Variants in MYO10 observed in about 807,000 individuals in gnomAD.
MYO10 encodes the protein unconventional myosin-X.
In MYO10, 133 loss-of-function variants were observed where a neutral mutation model predicts 257.3. The observed-to-expected ratio is 0.52, with a 90% CI of 0.45 to 0.60. The LOEUF (loss-of-function observed/expected upper bound fraction) is 0.60, where lower values mean the gene tolerates loss of function less well. Among genes scored for constraint, MYO10 ranks in the 20% least tolerant of loss-of-function variants. The probability of loss-of-function intolerance (pLI) is 0.00; values close to 1 mark genes in which losing one functional copy is unlikely to be tolerated. For synonymous variants in MYO10, 1,104 were observed against 1,028.6 expected (o/e 1.07, Z -1.40); for missense variants, 2,399 against 2,635.7 (o/e 0.91, Z 1.97).
intron 19 of MYO10, among the ~76,000 whole-genome samples, chr5:16,718,295 C>G (rs1001975818): frequency 2.6e-5 from 4 of 152,178 alleles, no homozygotes; most frequent in Non-Finnish European, 5.9e-5. Flanking sequence ...CCCTGCTCCA[C>G]GGCGCCCAGT....
intron 4 of MYO10, among the ~76,000 whole-genome samples, chr5:16,786,308 C>T (rs926819191): frequency 6.6e-6 from 1 of 152,068 alleles, no homozygotes; most frequent in Non-Finnish European, 1.5e-5. Flanking sequence ...GGATTCTCGT[C>T]GTCATAAAGA....
chr5:16,839,740 C>CA (rs558844758), intron 2 of MYO10, among the ~76,000 whole-genome samples: 6 of 151,186 alleles, frequency 4.0e-5, no homozygotes, highest in South Asian at 4.2e-4. Flanking sequence ...AACTCTGTCT[C>CA]AAAAAAAATA....
chr5:16,670,049 T>C (rs145374228), intron 39 of MYO10, among the ~76,000 whole-genome samples: 138 of 152,242 alleles, frequency 9.1e-4, no homozygotes, highest in African/African-American at 3.1e-3. Context: ...TTCTTTTCAA[T>C]AAGCGGTCTA....
At chr5:16,767,115 C>T (rs1260743531) in intron 10 of MYO10, among the ~76,000 whole-genome samples, 7 of 151,028 alleles carry the variant, frequency 4.6e-5, no homozygotes, top group African/African-American at 1.7e-4. Context: ...AAAGGCTACA[C>T]ATGAGGTACC....
intron 2 of MYO10, among the ~76,000 whole-genome samples, chr5:16,844,937 TACACACACACACACACGC>T (rs1472806331): frequency 4.1e-5 from 6 of 144,988 alleles, no homozygotes; most frequent in African/African-American, 1.5e-4. Context: ...TAATTCCAGA[TACACACACACACACACGC>T]ACACACACAC....
chr5:16,710,561 G>C (rs1252997928), intron 21 of MYO10: 3 of 271,678 alleles, frequency 1.1e-5, no homozygotes, highest in Non-Finnish European at 2.2e-5. Context: ...AAGGGTCTTG[G>C]GGTATCGCTT....
intron 1 of MYO10, among the ~76,000 whole-genome samples, chr5:16,907,480 T>G (rs754497508): frequency 6.6e-6 from 1 of 152,028 alleles, no homozygotes; most frequent in Non-Finnish European, 1.5e-5. Flanking sequence ...TCACGGGAGA[T>G]TGCATTTCCC....
intron 2 of MYO10, among the ~76,000 whole-genome samples, chr5:16,820,924 T>G (rs1742780235): frequency 6.8e-6 from 1 of 148,114 alleles, no homozygotes; most frequent in African/African-American, 2.5e-5. Context: ...TTTACATATA[T>G]AAAACATCTT....
intron 40 of MYO10, among the ~76,000 whole-genome samples, chr5:16,667,160 A>G (rs1224392562): frequency 1.3e-5 from 2 of 152,338 alleles, no homozygotes; most frequent in East Asian, 3.9e-4. Context: ...GACAGAGTCC[A>G]CAATTACAGC....
chr5:16,862,746 A>G (rs546635981), intron 2 of MYO10, among the ~76,000 whole-genome samples: 1 of 152,318 alleles, frequency 6.6e-6, no homozygotes, highest in East Asian at 1.9e-4. Context: ...AAAATACAAG[A>G]CAGTAGCCCA....
chr5:16,909,763 T>TGG (rs1385573748), intron 1 of MYO10, among the ~76,000 whole-genome samples: 1 of 152,020 alleles, frequency 6.6e-6, no homozygotes, highest in African/African-American at 2.4e-5. Flanking sequence ...GCGGGCCTGG[T>TGG]GGGAAGTGTT....
At chr5:16,927,004 T>C (rs1015637598) in intron 1 of MYO10, among the ~76,000 whole-genome samples, 9 of 152,248 alleles carry the variant, frequency 5.9e-5, no homozygotes, top group African/African-American at 2.2e-4. Flanking sequence ...TTGTTGATTC[T>C]GCCCTAATGA....
chr5:16,824,629 G>A (rs1011963310), intron 2 of MYO10, among the ~76,000 whole-genome samples: 3 of 152,170 alleles, frequency 2.0e-5, no homozygotes, highest in Non-Finnish European at 4.4e-5. Context: ...AGCACTTTGG[G>A]AGGTCAAGGC....
chr5:16,785,946 T>C (rs1270345169), intron 4 of MYO10, among the ~76,000 whole-genome samples: 3 of 152,016 alleles, frequency 2.0e-5, no homozygotes, highest in Non-Finnish European at 4.4e-5. Flanking sequence ...GTGTAGCCAG[T>C]TGAACAACTG....
chr5:16,734,611 C>A (rs1377289409), intron 19 of MYO10, among the ~76,000 whole-genome samples: 1 of 152,046 alleles, frequency 6.6e-6, no homozygotes. Context: ...TCGAGACCAG[C>A]CTGGCCAACA....
chr5:16,735,140 G>GA (rs1345231424), intron 19 of MYO10, among the ~76,000 whole-genome samples: 1 of 152,222 alleles, frequency 6.6e-6, no homozygotes, highest in Non-Finnish European at 1.5e-5. Context: ...CAGAAATGTT[G>GA]AAAGAGTAAC....
intron 19 of MYO10, among the ~76,000 whole-genome samples, chr5:16,739,970 G>A (rs191041843): frequency 6.6e-6 from 1 of 152,140 alleles, no homozygotes; most frequent in Non-Finnish European, 1.5e-5. Context: ...TATTTTTGAG[G>A]GTCATAGAAA....
At chr5:16,749,305 G>A (rs909931314) in intron 19 of MYO10, among the ~76,000 whole-genome samples, 2 of 151,932 alleles carry the variant, frequency 1.3e-5, no homozygotes, top group Non-Finnish European at 2.9e-5. Flanking sequence ...TGGCCAACAT[G>A]GTGAAAAGCC....
intron 1 of MYO10, among the ~76,000 whole-genome samples, chr5:16,885,175 CCT>C (rs1744863105): frequency 6.6e-6 from 1 of 151,394 alleles, no homozygotes; most frequent in Non-Finnish European, 1.5e-5. Context: ...CACTCTTCCT[CCT>C]CTCTGTCCAC....
Sources: allele counts gnomAD v4.1 joint callset (sites outside exome capture counted in the v4.1 genomes callset), GRCh38; gene constraint gnomAD v4.1.1; transcripts MANE v1.5; gene names NCBI Gene and HGNC (gene_info 2026-07-23, HGNC 2026-07-21).